OPCML: variants seen among roughly 807,000 people sequenced by gnomAD.
OPCML encodes opioid-binding protein/cell adhesion molecule.
In OPCML, 13 loss-of-function variants were observed where a neutral mutation model predicts 37.8. The observed-to-expected ratio is 0.34, with a 90% confidence interval of 0.22 to 0.55. OPCML has a LOEUF of 0.55. Among genes scored for constraint, OPCML ranks in the 20% least tolerant of loss-of-function variants. The pLI is 0.91. For synonymous variants in OPCML, 176 were observed against 168.8 expected (o/e 1.04, Z -0.33); for missense variants, 341 against 435.6 (o/e 0.78, Z 1.93).
chr11:132,979,618 C>T (rs1038531091), intron 1 of OPCML, among the ~76,000 whole-genome samples: 3 of 152,234 alleles, frequency 2.0e-5, no homozygotes, highest in African/African-American at 7.2e-5. Flanking sequence ...ATCTAGCATA[C>T]TGGGTTTTTG....
intron 3 of OPCML, among the ~76,000 whole-genome samples, chr11:132,568,708 T>A (rs1246208104): frequency 1.3e-5 from 2 of 152,206 alleles, no homozygotes; most frequent in East Asian, 3.9e-4. Flanking sequence ...GATTTTAGAC[T>A]TCTAGCCTTG....
chr11:132,462,496 G>A (rs1024105417), intron 4 of OPCML, among the ~76,000 whole-genome samples: 2 of 152,158 alleles, frequency 1.3e-5, no homozygotes, highest in African/African-American at 4.8e-5. Context: ...TCTGTTCATT[G>A]GTCATTCTGA....
At chr11:132,762,901 G>C (rs947777697) in intron 2 of OPCML, among the ~76,000 whole-genome samples, 18 of 152,258 alleles carry the variant, frequency 1.2e-4, no homozygotes, top group South Asian at 2.1e-4. Flanking sequence ...CCTGCCCAAA[G>C]AGCCGCCCAG....
rs764944630 is a variant in OPCML, at chr11:132,862,481, C to CAA, written c.146+80444_146+80445insTT. ...ATCGTATCTAGCTCTGTCATCTATA[C>CAA]GAAAAAAAAAAAAAAAACTCTGAGA... On this transcript the variant is annotated intron_variant, in intron 2 of 7. Coordinates refer to ENST00000524381, the MANE Select transcript of OPCML (RefSeq NM_001012393.5). Among the ~76,000 whole-genome samples, 61 of 129,686 alleles carry CAA rather than the reference C, an allele frequency of 4.7e-4. No homozygotes were observed. The South Asian group carries it at 6.2e-3, about 13-fold the overall frequency. 85.1% of individuals were successfully genotyped at this position (129,686 alleles called of 152,430 possible). A position where few individuals can be genotyped will look rare whatever the true frequency, so the allele number is the denominator to read the frequency against.
intron 1 of OPCML, among the ~76,000 whole-genome samples, chr11:133,198,786 G>A (rs1229202628): frequency 3.9e-5 from 6 of 152,200 alleles, no homozygotes; most frequent in African/African-American, 1.4e-4. Context: ...CCCTTAGGGA[G>A]GGCCTGGCAG....
At chr11:133,394,847 A>G (rs1945252550) in intron 1 of OPCML, among the ~76,000 whole-genome samples, 1 of 152,238 alleles carries the variant, frequency 6.6e-6, no homozygotes, top group Non-Finnish European at 1.5e-5. Context: ...GAGTGCAGAC[A>G]TCTCTTTGAT....
rs1946780927 is a variant in OPCML, at chr11:133,458,764, TGC to T, written c.61+73498_61+73499del. ...ACGTGTGTGTATATATACACATAGA[TGC>T]ACGTGTGTGTATATACACATAGATG... On this transcript the variant is annotated intron_variant, in intron 1 of 7. Coordinates refer to ENST00000524381, the MANE Select transcript of OPCML (RefSeq NM_001012393.5). Among the ~76,000 whole-genome samples, 8 of 136,678 alleles carry T rather than the reference TGC, an allele frequency of 5.9e-5. 1 individual carries two copies. Among genetic ancestry groups the T allele is most frequent in the African/African-American group, 2.4e-4 (8 of 33,066 alleles). 89.7% of individuals were successfully genotyped at this position (136,678 alleles called of 152,430 possible). A position where few individuals can be genotyped will look rare whatever the true frequency, so the allele number is the denominator to read the frequency against.
chr11:133,322,737 C>T lies in OPCML; in HGVS notation c.61+209527G>A, dbSNP rs139413856. Reference sequence around the variant, plus strand: ...TGATTACACATTTTCGCATCCAATCCGCCACCCAAGGCCCTGGTTCTATCT... The same window carrying T: ...TGATTACACATTTTCGCATCCAATCTGCCACCCAAGGCCCTGGTTCTATCT... On this transcript the variant is annotated intron_variant, in intron 1 of 7. Coordinates refer to ENST00000524381, the MANE Select transcript of OPCML (RefSeq NM_001012393.5). 2.2e-4 allele frequency among the ~76,000 whole-genome samples: 34 copies of T among 152,200 alleles called. No homozygotes were observed. The East Asian group carries it at 5.4e-3, about 24-fold the overall frequency.
chr11:133,020,927 C>G (rs1353902313), intron 1 of OPCML, among the ~76,000 whole-genome samples: 1 of 152,054 alleles, frequency 6.6e-6, no homozygotes, highest in Non-Finnish European at 1.5e-5. Context: ...TTTCTCCTTC[C>G]CACTTGGCAT....
intron 1 of OPCML, among the ~76,000 whole-genome samples, chr11:133,105,538 G>C (rs1360522947): frequency 6.6e-6 from 1 of 152,180 alleles, no homozygotes; most frequent in Non-Finnish European, 1.5e-5. Flanking sequence ...AGGTTCAGAA[G>C]TAGGCTGAAA....
intron 1 of OPCML, among the ~76,000 whole-genome samples, chr11:133,391,184 C>T (rs148762421): frequency 6.6e-6 from 1 of 152,180 alleles, no homozygotes; most frequent in African/African-American, 2.4e-5. Context: ...ACACGTGGCC[C>T]TGCTGAGCAT....
intron 2 of OPCML, among the ~76,000 whole-genome samples, chr11:132,739,682 G>A (rs1461522240): frequency 1.3e-5 from 2 of 152,280 alleles, no homozygotes; most frequent in East Asian, 3.9e-4. Context: ...GTGATAAGAA[G>A]ATTGAAAAGG....
chr11:132,947,975 A>T (rs1945782503), intron 1 of OPCML, among the ~76,000 whole-genome samples: 1 of 151,858 alleles, frequency 6.6e-6, no homozygotes, highest in East Asian at 1.9e-4. Flanking sequence ...TGTCCTCAAA[A>T]AGTTTCAGCT....
At chr11:132,469,570 T>C (rs1272456956) in intron 4 of OPCML, among the ~76,000 whole-genome samples, 2 of 139,778 alleles carry the variant, frequency 1.4e-5, no homozygotes, top group East Asian at 4.5e-4. Context: ...TCTGTGTGTG[T>C]GTATATGTGT....
chr11:133,203,311 GT>G (rs1565501098), intron 1 of OPCML, among the ~76,000 whole-genome samples: 1 of 152,252 alleles, frequency 6.6e-6, no homozygotes, highest in Non-Finnish European at 1.5e-5. Flanking sequence ...GAGACCTAGA[GT>G]AGATTCTCTA....
rs1203194092 is a variant in OPCML at position 132,564,768 on chromosome 11, G to A, written c.380-35582C>T. Among the ~76,000 whole-genome samples the A allele has an allele frequency of 2.6e-5, 4 of 152,184 alleles. No homozygotes were observed. The East Asian group carries it at 7.7e-4, about 29-fold the overall frequency. ...TGGTCTCTGTGGATGTGTTTTATAT[G>A]CTGTGTTAAACATGCTAGGAAAGCT... On this transcript the variant is annotated intron_variant, in intron 3 of 7. Transcript: ENST00000524381.
intron 1 of OPCML, among the ~76,000 whole-genome samples, chr11:133,372,771 G>C (rs566505735): frequency 3.3e-5 from 5 of 152,216 alleles, no homozygotes; most frequent in African/African-American, 1.2e-4. Context: ...TTCTCATTTT[G>C]GTGGCCTTGT....
intron 1 of OPCML, among the ~76,000 whole-genome samples, chr11:133,104,569 T>C (rs893779516): frequency 6.6e-6 from 1 of 152,248 alleles, no homozygotes; most frequent in African/African-American, 2.4e-5. Flanking sequence ...CATATGGCAA[T>C]TAAAACATGA....
intron 1 of OPCML, among the ~76,000 whole-genome samples, chr11:133,138,208 C>T (rs1949719889): frequency 1.3e-5 from 2 of 152,214 alleles, no homozygotes; most frequent in East Asian, 1.9e-4. Flanking sequence ...CACTACTCTG[C>T]TTCTCTGCCA....
Sources: gnomAD v4.1 joint callset for allele counts (sites outside exome capture counted in the v4.1 genomes callset) on GRCh38, gnomAD v4.1.1 for gene constraint, MANE v1.5 for transcripts, NCBI Gene and HGNC (gene_info 2026-07-23, HGNC 2026-07-21) for gene names.